Variants in KATNAL2 observed in about 807,000 individuals in gnomAD.
KATNAL2 encodes the protein katanin catalytic subunit A1 like 2, also known as katanin p60 ATPase-containing subunit A-like 2.
In KATNAL2, 52 loss-of-function variants were observed where a neutral mutation model predicts 76.3. That is an observed-to-expected ratio of 0.68 (90% CI 0.55 to 0.86). KATNAL2 has a LOEUF of 0.86. Ranked by LOEUF, KATNAL2 falls within the 40% of genes least tolerant of loss-of-function variation. The pLI is 0.00. For synonymous variants in KATNAL2, 243 were observed against 244.2 expected, an observed-to-expected ratio of 1.00 and a Z score of 0.05; for missense variants, 660 against 668.9, an observed-to-expected ratio of 0.99 and a Z score of 0.15.
intron 3 of KATNAL2, among the ~76,000 whole-genome samples, chr18:46,953,943 C>T (rs2059644956): frequency 6.6e-6 from 1 of 152,050 alleles, no homozygotes; most frequent in Admixed American, 6.6e-5. Context: ...TTTCTATGCT[C>T]TCCTTCAGGG....
intron 3 of KATNAL2, among the ~76,000 whole-genome samples, chr18:46,952,718 T>C (rs1337063708): frequency 6.6e-6 from 1 of 151,182 alleles, no homozygotes; most frequent in Non-Finnish European, 1.5e-5. Context: ...TTTTTATTGA[T>C]GGTTGAATGT....
At chr18:47,094,264 C>A (rs2063133143) in intron 15 of KATNAL2, among the ~76,000 whole-genome samples, 1 of 152,164 alleles carries the variant, frequency 6.6e-6, no homozygotes, top group Non-Finnish European at 1.5e-5. Flanking sequence ...GTCTCCCACC[C>A]TCCAAAATGA....
chr18:47,061,656 C>T (rs911304286), intron 8 of KATNAL2, among the ~76,000 whole-genome samples: 1 of 152,146 alleles, frequency 6.6e-6, no homozygotes, highest in Admixed American at 6.5e-5. Flanking sequence ...GTCAGCCTGT[C>T]TAGATTCAAA....
intron 1 of KATNAL2, among the ~76,000 whole-genome samples, chr18:46,927,557 T>C (rs1398615160): frequency 1.3e-5 from 2 of 152,134 alleles, no homozygotes; most frequent in East Asian, 3.9e-4. Flanking sequence ...CTGACAATTA[T>C]GTGTCTTGGA....
At chr18:46,947,782 A>G (rs2059424644) in intron 3 of KATNAL2, among the ~76,000 whole-genome samples, 1 of 152,072 alleles carries the variant, frequency 6.6e-6, no homozygotes, top group African/African-American at 2.4e-5. Flanking sequence ...TAATACACAA[A>G]AAGGTAACCC....
intron 1 of KATNAL2, among the ~76,000 whole-genome samples, chr18:46,928,868 T>C (rs1431254719): frequency 6.6e-6 from 1 of 152,136 alleles, no homozygotes; most frequent in Non-Finnish European, 1.5e-5. Context: ...CGATCTTGGC[T>C]CGCTGCAACC....
At chr18:47,096,139 C>CACT (rs143459388) in intron 15 of KATNAL2, among the ~76,000 whole-genome samples, 3,368 of 152,254 alleles carry the variant, frequency 0.022, 67 homozygotes, top group Non-Finnish European at 0.033. Context: ...GGAAAAGACA[C>CACT]ACTCCTTAAA....
chr18:47,033,773 G>C (rs549369877), intron 3 of KATNAL2: 1 of 1,614,190 alleles, frequency 6.2e-7, no homozygotes, highest in Non-Finnish European at 8.5e-7. Flanking sequence ...GCTTCCTCCC[G>C]GAACTTTGGT....
chr18:47,035,056 G>A (rs776332110), intron 3 of KATNAL2: 2 of 1,611,816 alleles, frequency 1.2e-6, no homozygotes, highest in South Asian at 1.1e-5. Flanking sequence ...CCACCGGGCC[G>A]CTAAGTCTCT....
chr18:47,066,879 ATAT>A (rs2061823660), intron 10 of KATNAL2, 139 bp from the exon 11 acceptor site: 1 of 105,096 alleles, frequency 9.5e-6, no homozygotes, highest in African/African-American at 3.6e-5. Context: ...ATATATATAT[ATAT>A]ATATATATAT....
At chr18:46,958,832 AAAC>A (rs2059843606) in intron 3 of KATNAL2, among the ~76,000 whole-genome samples, 1 of 152,234 alleles carries the variant, frequency 6.6e-6, no homozygotes, top group Non-Finnish European at 1.5e-5. Flanking sequence ...GGTTTTTGGA[AAAC>A]TGGAATTGAT....
intron 1 of KATNAL2, among the ~76,000 whole-genome samples, chr18:46,935,296 T>TG (rs1261811112): frequency 6.6e-6 from 1 of 152,210 alleles, no homozygotes; most frequent in African/African-American, 2.4e-5. Context: ...CAACACCCAC[T>TG]GACTCCCTGA....
At chr18:46,944,445 G>C (rs981325735) in intron 1 of KATNAL2, among the ~76,000 whole-genome samples, 1 of 152,112 alleles carries the variant, frequency 6.6e-6, no homozygotes, top group Non-Finnish European at 1.5e-5. Context: ...AAGTATACGG[G>C]ATGGGTTGGG....
intron 1 of KATNAL2, among the ~76,000 whole-genome samples, chr18:46,940,974 A>G (rs972109359): frequency 5.9e-5 from 9 of 152,146 alleles, no homozygotes; most frequent in African/African-American, 2.2e-4. Context: ...GCAGTGAGCT[A>G]TTGTGATGGT....
rs1467942351 is a variant in KATNAL2, at chr18:47,063,341, T to C, written c.706T>C (p.Leu236=). Residue 236 remains leucine, a synonymous_variant, in exon 10 of 18, where the codon TTG becomes CTG. Coordinates refer to ENST00000683218, the MANE Select transcript of KATNAL2 (RefSeq NM_001387690.1). ...TGGCATGAACAGTGAGATGCGAGAA[T>C]TGGCAGCCGTGGTGAGCCGGGTAAG... ...FIGMNSEMRE[L]AAVVSRDIYL... The C allele has an allele frequency of 1.9e-6, 3 of 1,613,830 alleles. No homozygotes were observed. The highest frequency in any genetic ancestry group is 1.7e-6 in the Non-Finnish European group (2 of 1,179,908).
chr18:47,096,436 G>C lies in KATNAL2; in HGVS notation c.1212-2807G>C, dbSNP rs555713359. Among the ~76,000 whole-genome samples, 10 of 152,124 alleles carry C rather than the reference G, an allele frequency of 6.6e-5. No individual in the cohort carries two copies. In the South Asian group the frequency reaches 2.1e-3, roughly 32 times the overall value. On this transcript the variant is annotated intron_variant, in intron 15 of 17. Transcript: ENST00000683218. ...GGCTCACTACAACCTCGGCTTCCTGGGCTCAGGTGACTCTCCTACCTCAGC... is the reference window on the plus strand; with the variant it reads ...GGCTCACTACAACCTCGGCTTCCTGCGCTCAGGTGACTCTCCTACCTCAGC...
At chr18:46,960,156 G>A (rs1311863145) in intron 3 of KATNAL2, among the ~76,000 whole-genome samples, 1 of 152,172 alleles carries the variant, frequency 6.6e-6, no homozygotes, top group East Asian at 1.9e-4. Flanking sequence ...CAAAAAAGCG[G>A]CTGGGCACTG....
At position 46,946,878 on chromosome 18, in the gene KATNAL2, G is replaced by A. The variant is rs1429250853; in HGVS notation, c.6G>A (p.Glu2=). 2.0e-6 allele frequency: 3 copies of A among 1,535,822 alleles called. No homozygotes were observed. M[E]LSYQTLKFTH... ...GGGTCCTAGCACAGTGTCTGATGGAGCTTTCCTACCAGACCCTGAAATTCA... is the reference window on the plus strand; with the variant it reads ...GGGTCCTAGCACAGTGTCTGATGGAACTTTCCTACCAGACCCTGAAATTCA... The change falls in exon 3 of 18, where the codon GAG becomes GAA. Residue 2 remains glutamate (E), a synonymous_variant. Transcript: ENST00000683218.
intron 3 of KATNAL2, among the ~76,000 whole-genome samples, chr18:47,045,329 CTTT>C (rs10533284): frequency 4.8e-4 from 67 of 139,492 alleles, no homozygotes; most frequent in East Asian, 2.3e-3. Flanking sequence ...CTTTTCTTTT[CTTT>C]TTTTTTTTTT....
Sources: allele counts gnomAD v4.1 joint callset (sites outside exome capture counted in the v4.1 genomes callset), GRCh38; gene constraint gnomAD v4.1.1; transcripts MANE v1.5; gene names NCBI Gene and HGNC (gene_info 2026-07-23, HGNC 2026-07-21).